The following LPP variants were observed in gnomAD, a reference collection of about 807,000 sequenced individuals.
LPP encodes lipoma-preferred partner.
A neutral mutation model predicts 60.4 loss-of-function variants in LPP; 38 were observed. That is an observed-to-expected ratio of 0.63 (90% CI 0.49 to 0.83). The LOEUF (loss-of-function observed/expected upper bound fraction) is 0.83, where lower values mean the gene tolerates loss of function less well. Ranked by LOEUF, LPP falls within the 40% of genes least tolerant of loss-of-function variation. The pLI is 0.00. For missense variants in LPP, 902 were observed against 783.6 expected, an observed-to-expected ratio of 1.15 and a Z score of -1.80; for synonymous variants, 328 against 290.8, an observed-to-expected ratio of 1.13 and a Z score of -1.30.
chr3:188,837,805 C>G (rs1758862700), intron 9 of LPP, among the ~76,000 whole-genome samples: 1 of 152,052 alleles, frequency 6.6e-6, no homozygotes, highest in Non-Finnish European at 1.5e-5. Flanking sequence ...TGTCATTGCC[C>G]AGGAGGCAAG....
In LPP at chr3:188,206,738, G is replaced by A. The variant is rs143079336; in HGVS notation, c.-189-18667G>A. 3.4e-3 allele frequency among the ~76,000 whole-genome samples: 513 copies of A among 152,300 alleles called. 1 individual carries two copies. The highest frequency in any genetic ancestry group is 5.6e-3 in the Non-Finnish European group (383 of 68,026). On this transcript the variant is annotated intron_variant, in intron 1 of 11. Transcript: ENST00000617246. ...ACAGTCTAGAATTGCAAGGGGTTGA[G>A]TTTGCTATGTGAAGCAGTTAGTTTT... is the stretch of plus-strand genomic sequence containing the variant.
intron 2 of LPP, among the ~76,000 whole-genome samples, chr3:188,227,319 T>C (rs945611846): frequency 2.1e-5 from 3 of 146,012 alleles, no homozygotes; most frequent in African/African-American, 5.0e-5. Flanking sequence ...GTATATCTCC[T>C]AATGCTATCC....
chr3:188,566,150 T>A (rs1205055770), intron 6 of LPP, among the ~76,000 whole-genome samples: 1 of 151,954 alleles, frequency 6.6e-6, no homozygotes. Flanking sequence ...AATTTGAAAA[T>A]TATACAGTTG....
chr3:188,451,138 A>G (rs750170646), intron 4 of LPP, among the ~76,000 whole-genome samples: 2 of 152,144 alleles, frequency 1.3e-5, no homozygotes, highest in Admixed American at 6.5e-5. Flanking sequence ...TCTTCATGCC[A>G]TCACCAGCAC....
chr3:188,702,612 G>A (rs909985863), intron 7 of LPP, among the ~76,000 whole-genome samples: 1 of 152,132 alleles, frequency 6.6e-6, no homozygotes, highest in Admixed American at 6.5e-5. Context: ...AATTTTGACG[G>A]AGTCCTCTAA....
chr3:188,811,063 GACAC>G (rs1164368983), intron 9 of LPP, among the ~76,000 whole-genome samples: 1 of 151,786 alleles, frequency 6.6e-6, no homozygotes, highest in Non-Finnish European at 1.5e-5. Flanking sequence ...GAATACATAC[GACAC>G]ACACACATGT....
chr3:188,653,548 A>G (rs1422914210), intron 7 of LPP, among the ~76,000 whole-genome samples: 3 of 152,126 alleles, frequency 2.0e-5, no homozygotes, highest in African/African-American at 7.2e-5. Context: ...TCCATATATA[A>G]TAGATGGTCC....
chr3:188,572,019 G>C lies in LPP; in HGVS notation c.430-37142G>C, dbSNP rs1340154322. ...GATTAGTGACTTGGAAGAAAATCCTGGAGTCAATAGTGGACCCCTTTTTTA... is the reference window on the plus strand; with the variant it reads ...GATTAGTGACTTGGAAGAAAATCCTCGAGTCAATAGTGGACCCCTTTTTTA... On this transcript the variant is annotated intron_variant, in intron 6 of 11. Coordinates refer to ENST00000617246, the MANE Select transcript of LPP (RefSeq NM_001375462.1). This position sits in a 1 kb window ranked among gnomAD's most constrained non-coding sequence, Gnocchi z 4.1. Among the ~76,000 whole-genome samples the C allele has an allele frequency of 6.6e-6, 1 of 152,006 alleles. No homozygotes were observed. The highest frequency in any genetic ancestry group is 1.5e-5 in the Non-Finnish European group (1 of 67,998).
intron 9 of LPP, among the ~76,000 whole-genome samples, chr3:188,826,868 C>T (rs572728738): frequency 6.6e-6 from 1 of 152,148 alleles, no homozygotes; most frequent in Admixed American, 6.5e-5. Context: ...ATCTCTACTA[C>T]TTGATATTAA....
At chr3:188,327,961 A>G (rs1015198206) in intron 2 of LPP, among the ~76,000 whole-genome samples, 3 of 152,228 alleles carry the variant, frequency 2.0e-5, no homozygotes, top group African/African-American at 4.8e-5. Flanking sequence ...AAAAATAAAT[A>G]TATTTGTGAA....
chr3:188,254,587 G>A (rs1295898278), intron 2 of LPP, among the ~76,000 whole-genome samples: 2 of 152,194 alleles, frequency 1.3e-5, no homozygotes, highest in African/African-American at 2.4e-5. Flanking sequence ...GGAATTGTTT[G>A]TTAGAGTCGT....
At chr3:188,361,784 T>C (rs1395506159) in intron 3 of LPP, among the ~76,000 whole-genome samples, 1 of 152,102 alleles carries the variant, frequency 6.6e-6, no homozygotes, top group Non-Finnish European at 1.5e-5. Context: ...GCCAGGCTGG[T>C]CTCGAACTCC....
intron 6 of LPP, among the ~76,000 whole-genome samples, chr3:188,560,836 A>G (rs1372897241): frequency 6.6e-6 from 1 of 152,090 alleles, no homozygotes; most frequent in Non-Finnish European, 1.5e-5. Flanking sequence ...CTGGGAGTTT[A>G]CAAAGTATCT....
At chr3:188,229,461 A>C (rs907055972) in intron 2 of LPP, among the ~76,000 whole-genome samples, 3 of 152,206 alleles carry the variant, frequency 2.0e-5, no homozygotes, top group Admixed American at 6.5e-5. Flanking sequence ...AGCATTGGTC[A>C]CTTCCGTCAG....
At position 188,492,203 on chromosome 3, in the gene LPP, T is replaced by C. The variant is rs1808571329; in HGVS notation, c.306+7499T>C. Reference sequence around the variant, plus strand: ...AGTTTCTGTATAGGGAGTAATATACTATGCTTGCATATTTCAGAACATTTC... The same window carrying C: ...AGTTTCTGTATAGGGAGTAATATACCATGCTTGCATATTTCAGAACATTTC... On this transcript the variant is annotated intron_variant, in intron 5 of 11. Coordinates refer to ENST00000617246, the MANE Select transcript of LPP (RefSeq NM_001375462.1). Among the ~76,000 whole-genome samples the C allele has an allele frequency of 3.3e-5, 5 of 152,222 alleles. No individual in the cohort carries two copies. In the South Asian group the frequency reaches 1.0e-3, roughly 32 times the overall value.
rs181418586 is a variant in LPP at position 188,386,546 on chromosome 3, G to A, written c.-9-19566G>A. Among the ~76,000 whole-genome samples, 13 of 152,216 alleles carry A rather than the reference G, an allele frequency of 8.5e-5. No individual in the cohort carries two copies. In the East Asian group the frequency reaches 2.5e-3, roughly 29 times the overall value. The stretch of plus-strand genomic sequence containing the variant: ...TATATAAACCTCTTTTGCCCAAATC[G>A]TTGTCAGACTGCAGTGAGAAAAGTC... On this transcript the variant is annotated intron_variant, in intron 3 of 11. Coordinates refer to ENST00000617246, the MANE Select transcript of LPP (RefSeq NM_001375462.1).
At chr3:188,737,423 C>T (rs1467730537) in intron 8 of LPP, among the ~76,000 whole-genome samples, 1 of 152,176 alleles carries the variant, frequency 6.6e-6, no homozygotes, top group Non-Finnish European at 1.5e-5. Context: ...GGCCTGTCAA[C>T]CCTGGTAGAC....
rs146177630 is a variant in LPP at position 188,456,145 on chromosome 3, A to G, written c.194-28447A>G. On this transcript the variant is annotated intron_variant, in intron 4 of 11. Coordinates refer to ENST00000617246, the MANE Select transcript of LPP (RefSeq NM_001375462.1). The stretch of plus-strand genomic sequence containing the variant: ...ATGATTCTTTGCTTTCGCCTCCCCA[A>G]CCACTGCGATTACAGGCGTGAGCCA... 1.5e-3 allele frequency among the ~76,000 whole-genome samples: 235 copies of G among 152,170 alleles called. 1 individual carries two copies. Among genetic ancestry groups the G allele is most frequent in the Non-Finnish European group, 2.1e-3 (141 of 67,998 alleles).
intron 1 of LPP, among the ~76,000 whole-genome samples, chr3:188,183,324 A>G (rs546924900): frequency 2.8e-4 from 42 of 152,318 alleles, no homozygotes; most frequent in African/African-American, 1.0e-3. Context: ...AAGAGCATCA[A>G]TATCTACTGC....
Sources: allele counts gnomAD v4.1 joint callset (sites outside exome capture counted in the v4.1 genomes callset), GRCh38; gene constraint gnomAD v4.1.1; non-coding constraint Gnocchi (gnomAD v3.1); transcripts MANE v1.5; gene names NCBI Gene and HGNC (gene_info 2026-07-23, HGNC 2026-07-21).